The following PDE1C variants were observed in gnomAD, a reference collection of about 807,000 sequenced individuals.
PDE1C encodes the protein phosphodiesterase 1C.
PDE1C carries 62 observed loss-of-function variants against 93.1 expected under a neutral mutation model. That is an observed-to-expected ratio of 0.67 (90% CI 0.54 to 0.82). The LOEUF is 0.82. Among genes scored for constraint, PDE1C ranks in the 40% least tolerant of loss-of-function variants. The probability of loss-of-function intolerance (pLI) is 0.00; values close to 1 mark genes in which losing one functional copy is unlikely to be tolerated. For synonymous variants in PDE1C, 325 were observed against 310.1 expected (o/e 1.05, Z -0.50); for missense variants, 742 against 884.6 (o/e 0.84, Z 2.04).
intron 12 of PDE1C, 120 bp downstream of exon 12, chr7:31,828,172 T>G: frequency 1.5e-6 from 1 of 686,724 alleles, no homozygotes; most frequent in Non-Finnish European, 2.5e-6. Context: ...GGCAGAGCCA[T>G]GAGCACAACA....
chr7:32,208,499 CAA>C (rs71559213), intron 2 of PDE1C, among the ~76,000 whole-genome samples: 27 of 141,500 alleles, frequency 1.9e-4, no homozygotes, highest in Middle Eastern at 7.2e-3. Context: ...TTTAGGAAGG[CAA>C]AAAAAAAAAA....
chr7:31,813,839 C>T (rs1787866057), intron 15 of PDE1C, among the ~76,000 whole-genome samples: 1 of 151,984 alleles, frequency 6.6e-6, no homozygotes, highest in Non-Finnish European at 1.5e-5. Context: ...CCCCAAAGTC[C>T]ACTGTATCAT....
chr7:31,794,037 T>TAGACAGACAGACAGAC (rs1554335933), intron 16 of PDE1C, among the ~76,000 whole-genome samples: 1 of 105,764 alleles, frequency 9.5e-6, no homozygotes, highest in East Asian at 3.0e-4. Context: ...GATAGATAGA[T>TAGACAGACAGACAGAC]AGATAGACAG....
chr7:31,919,620 CAAACCAACACGTAAAAAG>C (rs1802362232), intron 2 of PDE1C, among the ~76,000 whole-genome samples: 1 of 152,072 alleles, frequency 6.6e-6, no homozygotes, highest in South Asian at 2.1e-4. Context: ...AAAACGAGGG[CAAACCAACACGTAAAAAG>C]AAACCAAAAA....
chr7:32,346,706 C>A (rs997976011), intron 1 of PDE1C, among the ~76,000 whole-genome samples: 1 of 152,172 alleles, frequency 6.6e-6, no homozygotes, highest in Non-Finnish European at 1.5e-5. Flanking sequence ...TTGCACTTGG[C>A]CTGCAAATTA....
chr7:32,268,033 T>C (rs1810729363), intron 1 of PDE1C, among the ~76,000 whole-genome samples: 2 of 152,168 alleles, frequency 1.3e-5, no homozygotes, highest in South Asian at 4.1e-4. Flanking sequence ...GATCAGCCAC[T>C]AGGTGCAGTG....
intron 5 of PDE1C, among the ~76,000 whole-genome samples, chr7:31,875,417 G>A (rs1041167129): frequency 6.6e-6 from 1 of 152,122 alleles, no homozygotes; most frequent in African/African-American, 2.4e-5. Context: ...TCAGTCTAAT[G>A]TTCTTCAGAA....
chr7:32,410,608 T>A (rs890687138), intron 1 of PDE1C, among the ~76,000 whole-genome samples: 1 of 152,158 alleles, frequency 6.6e-6, no homozygotes, highest in Non-Finnish European at 1.5e-5. Context: ...TTGCCCTGTG[T>A]CCTCACCTCC....
At chr7:32,049,417 GTTTTAGGC>G (rs1793040012) in intron 2 of PDE1C, among the ~76,000 whole-genome samples, 1 of 151,944 alleles carries the variant, frequency 6.6e-6, no homozygotes, top group African/African-American at 2.4e-5. Context: ...GTTTTGTTTT[GTTTTAGGC>G]TTTTAGCAGC....
chr7:32,164,858 T>C (rs1006777441), intron 3 of PDE1C, among the ~76,000 whole-genome samples: 24 of 152,272 alleles, frequency 1.6e-4, no homozygotes, highest in African/African-American at 4.1e-4. Flanking sequence ...TTCCTGTCAC[T>C]AATCAGACTG....
intron 1 of PDE1C, among the ~76,000 whole-genome samples, chr7:32,244,124 C>T (rs948947736): frequency 6.6e-6 from 1 of 152,178 alleles, no homozygotes; most frequent in Non-Finnish European, 1.5e-5. Context: ...GCACCCCACA[C>T]CTGATTTGTG....
chr7:31,771,068 C>T (rs539077773), intron 17 of PDE1C, among the ~76,000 whole-genome samples: 3 of 152,176 alleles, frequency 2.0e-5, no homozygotes, highest in Admixed American at 6.5e-5. Context: ...AATTTTTCTT[C>T]ATTGTTTTTA....
chr7:32,426,991 A>AT (rs550873429), intron 1 of PDE1C, among the ~76,000 whole-genome samples: 112 of 152,280 alleles, frequency 7.4e-4, no homozygotes, highest in Non-Finnish European at 1.2e-3. Context: ...AGTGTAAGAG[A>AT]TTTTTTTAAA....
chr7:32,081,975 A>G (rs557538963), intron 3 of PDE1C, among the ~76,000 whole-genome samples: 2 of 152,198 alleles, frequency 1.3e-5, no homozygotes, highest in Non-Finnish European at 2.9e-5. Context: ...CTGAGGTACC[A>G]GGTTCATCTC....
At chr7:32,344,696 T>C (rs1041996741) in intron 1 of PDE1C, among the ~76,000 whole-genome samples, 3 of 152,252 alleles carry the variant, frequency 2.0e-5, no homozygotes, top group South Asian at 4.1e-4. Context: ...TATTTTTTTT[T>C]CCCATAGCAC....
intron 5 of PDE1C, among the ~76,000 whole-genome samples, chr7:31,877,248 C>G (rs985528559): frequency 2.0e-5 from 3 of 152,128 alleles, no homozygotes; most frequent in South Asian, 2.1e-4. Context: ...ACCCTCAGAC[C>G]AATGCCTTCA....
At chr7:31,778,869 C>T (rs1783192373) in intron 16 of PDE1C, among the ~76,000 whole-genome samples, 1 of 152,144 alleles carries the variant, frequency 6.6e-6, no homozygotes, top group Non-Finnish European at 1.5e-5. Flanking sequence ...ACTAATGTTA[C>T]TGAGTGTTGT....
At chr7:32,021,933 G>T (rs2128614500) in intron 2 of PDE1C, among the ~76,000 whole-genome samples, 1 of 152,118 alleles carries the variant, frequency 6.6e-6, no homozygotes, top group East Asian at 1.9e-4. Flanking sequence ...TCCTCTAAAA[G>T]AGGAATATCC....
chr7:31,899,989 C>CA (rs1030291444), intron 2 of PDE1C, among the ~76,000 whole-genome samples: 1 of 152,102 alleles, frequency 6.6e-6, no homozygotes, highest in Non-Finnish European at 1.5e-5. Flanking sequence ...AGCCCCACAG[C>CA]AAAAAATTAT....
Sources: gnomAD v4.1 joint callset for allele counts (sites outside exome capture counted in the v4.1 genomes callset) on GRCh38, gnomAD v4.1.1 for gene constraint, MANE v1.5 for transcripts, NCBI Gene and HGNC (gene_info 2026-07-23, HGNC 2026-07-21) for gene names.